The following IL1RAPL1 variants were observed in gnomAD, a reference collection of about 807,000 sequenced individuals.
The protein encoded by IL1RAPL1 is interleukin-1 receptor accessory protein-like 1.
In IL1RAPL1, 3 loss-of-function variants were observed where a neutral mutation model predicts 48.4. The observed-to-expected ratio is 0.06, with a 90% CI of 0.03 to 0.16. The LOEUF (loss-of-function observed/expected upper bound fraction) is 0.16. Ranked by LOEUF, IL1RAPL1 falls within the 10% of genes least tolerant of loss-of-function variation. The pLI is 1.00. For synonymous variants in IL1RAPL1, 185 were observed against 187.7 expected (o/e 0.99, Z 0.12); for missense variants, 349 against 530.6 (o/e 0.66, Z 3.36).
At chrX:28,792,850 TAAAA>T (rs758898547) in intron 2 of IL1RAPL1, among the ~76,000 whole-genome samples, 2 of 42,377 alleles carry the variant, frequency 4.7e-5, no homozygotes, top group Admixed American at 3.5e-4. Context: ...TATATATATA[TAAAA>T]AATAAGGCAA....
rs189585286 is a variant in IL1RAPL1 at position 29,451,635 on chromosome X, T to C, written c.703+52327T>C. On this transcript the variant is annotated intron_variant, in intron 5 of 10. Transcript: ENST00000378993. Reference sequence around the variant, plus strand: ...CTGTCTCTCTCTCTGTGTGTATATATGTACACATACATGTATATGCATATA... The same window carrying C: ...CTGTCTCTCTCTCTGTGTGTATATACGTACACATACATGTATATGCATATA... 1.5e-4 allele frequency among the ~76,000 whole-genome samples: 17 copies of C among 112,047 alleles called. No individual in the cohort carries two copies. The East Asian group carries it at 4.7e-3, about 31-fold the overall frequency.
chrX:29,327,053 T>C (rs1194305641), intron 3 of IL1RAPL1, among the ~76,000 whole-genome samples: 1 of 111,409 alleles, frequency 9.0e-6, no homozygotes, highest in African/African-American at 3.3e-5. Flanking sequence ...CCCATGATCC[T>C]CTTGAGAATT....
chrX:28,952,421 T>C (rs1924495630), intron 2 of IL1RAPL1, among the ~76,000 whole-genome samples: 1 of 111,698 alleles, frequency 9.0e-6, no homozygotes, highest in African/African-American at 3.2e-5. Flanking sequence ...CGTAAAAGTT[T>C]ATTTCTTAAC....
At chrX:28,847,760 C>T (rs1453471883) in intron 2 of IL1RAPL1, among the ~76,000 whole-genome samples, 6 of 111,660 alleles carry the variant, frequency 5.4e-5, no homozygotes, top group Non-Finnish European at 1.1e-4. Flanking sequence ...AACACCTCTG[C>T]TTAGTGAGTC....
chrX:29,595,922 G>C (rs1268526694), intron 5 of IL1RAPL1, among the ~76,000 whole-genome samples: 1 of 111,577 alleles, frequency 9.0e-6, no homozygotes, highest in Non-Finnish European at 1.9e-5. Flanking sequence ...TAAGCTGAAA[G>C]ATGAGGATCC....
chrX:29,732,758 A>C (rs2147131407), intron 6 of IL1RAPL1, among the ~76,000 whole-genome samples: 1 of 112,006 alleles, frequency 8.9e-6, no homozygotes, highest in African/African-American at 3.2e-5. Flanking sequence ...GGCCCAGGGC[A>C]GTTTTACTTC....
At chrX:28,759,720 A>G (rs1438211208) in intron 1 of IL1RAPL1, among the ~76,000 whole-genome samples, 1 of 111,856 alleles carries the variant, frequency 8.9e-6, no homozygotes, top group Non-Finnish European at 1.9e-5. Context: ...ACCCTTTTGC[A>G]GCCCATAATA....
intron 5 of IL1RAPL1, among the ~76,000 whole-genome samples, chrX:29,483,421 A>T (rs187433706): frequency 2.2e-4 from 25 of 111,384 alleles, no homozygotes; most frequent in Non-Finnish European, 3.4e-4. Context: ...CATGTTGGTG[A>T]TGTCCGTATG....
intron 5 of IL1RAPL1, among the ~76,000 whole-genome samples, chrX:29,544,406 T>C (rs1921540439): frequency 8.9e-6 from 1 of 112,068 alleles, no homozygotes; most frequent in South Asian, 3.7e-4. Flanking sequence ...ATTCACATAC[T>C]GACACTTATA....
intron 2 of IL1RAPL1, among the ~76,000 whole-genome samples, chrX:29,231,248 T>A (rs1427337499): frequency 5.4e-5 from 6 of 111,064 alleles, no homozygotes; most frequent in Non-Finnish European, 7.5e-5. Context: ...CAGTGATGTA[T>A]GGCCTGACCT....
At chrX:29,443,444 C>G (rs1263852134) in intron 5 of IL1RAPL1, among the ~76,000 whole-genome samples, 1 of 111,261 alleles carries the variant, frequency 9.0e-6, no homozygotes, top group African/African-American at 3.3e-5. Flanking sequence ...CATCTTCCAG[C>G]TCTATTATTC....
At chrX:28,951,940 T>C (rs1924479132) in intron 2 of IL1RAPL1, among the ~76,000 whole-genome samples, 1 of 111,167 alleles carries the variant, frequency 9.0e-6, no homozygotes, top group Non-Finnish European at 1.9e-5. Flanking sequence ...AGGCAGTATA[T>C]GGTAGATGTT....
At chrX:28,671,512 A>G (rs1934946617) in intron 1 of IL1RAPL1, among the ~76,000 whole-genome samples, 1 of 112,016 alleles carries the variant, frequency 8.9e-6, no homozygotes, top group South Asian at 3.7e-4. Flanking sequence ...CAGCACAATA[A>G]TAAGAATCAT....
chrX:29,934,093 C>T (rs1932992226), intron 8 of IL1RAPL1, among the ~76,000 whole-genome samples: 1 of 110,337 alleles, frequency 9.1e-6, no homozygotes, highest in Non-Finnish European at 1.9e-5. Context: ...GGAAAAAAAT[C>T]ACGTTTAGTT....
intron 6 of IL1RAPL1, among the ~76,000 whole-genome samples, chrX:29,835,438 CTA>C (rs1360631752): frequency 8.9e-6 from 1 of 111,779 alleles, no homozygotes; most frequent in African/African-American, 3.3e-5. Context: ...ATTTTTGCAC[CTA>C]TGTTTCTTGA....
chrX:29,234,139 C>T (rs1439596533), intron 2 of IL1RAPL1, among the ~76,000 whole-genome samples: 4 of 111,991 alleles, frequency 3.6e-5, no homozygotes, highest in East Asian at 2.8e-4. Flanking sequence ...CCAGTTAAAC[C>T]GCACTTGGAC....
At chrX:29,473,966 TC>T (rs1934948458) in intron 5 of IL1RAPL1, among the ~76,000 whole-genome samples, 3 of 111,254 alleles carry the variant, frequency 2.7e-5, no homozygotes, top group East Asian at 5.7e-4. Context: ...GCTACTTTTT[TC>T]CCCTCATTTT....
intron 2 of IL1RAPL1, among the ~76,000 whole-genome samples, chrX:29,086,353 G>A (rs968394553): frequency 8.9e-6 from 1 of 112,022 alleles, no homozygotes; most frequent in Non-Finnish European, 1.9e-5. Flanking sequence ...TTTCCAAAGA[G>A]TAAGTTATGA....
At chrX:29,726,382 C>A (rs1471949040) in intron 6 of IL1RAPL1, among the ~76,000 whole-genome samples, 1 of 111,606 alleles carries the variant, frequency 9.0e-6, no homozygotes, top group Non-Finnish European at 1.9e-5. Flanking sequence ...CCCTTAACAC[C>A]CTGGATAACT....
Sources: gnomAD v4.1 joint callset for allele counts (sites outside exome capture counted in the v4.1 genomes callset) on GRCh38, gnomAD v4.1.1 for gene constraint, MANE v1.5 for transcripts, NCBI Gene and HGNC (gene_info 2026-07-23, HGNC 2026-07-21) for gene names.